The following GALM variants were observed in gnomAD, a reference collection of about 807,000 sequenced individuals.
The protein encoded by GALM is aldose 1-epimerase.
GALM carries 43 observed loss-of-function variants against 37.4 expected under a neutral mutation model. The observed-to-expected ratio is 1.15, with a 90% confidence interval of 0.90 to 1.48. The LOEUF (loss-of-function observed/expected upper bound fraction) is 1.48, where lower values mean the gene tolerates loss of function less well. Ranked by LOEUF, GALM falls within the 40% of genes most tolerant of loss-of-function variation. The pLI is 0.00. For synonymous variants in GALM, 199 were observed against 170.6 expected (o/e 1.17, Z -1.30); for missense variants, 456 against 419.1 (o/e 1.09, Z -0.77).
intron 4 of GALM, among the ~76,000 whole-genome samples, chr2:38,699,456 A>C (rs941019580): frequency 1.3e-5 from 2 of 152,200 alleles, no homozygotes; most frequent in Non-Finnish European, 2.9e-5. Flanking sequence ...TGTTAATTAT[A>C]GTCACCCTAT....
chr2:38,698,947 C>A (rs183010850), intron 4 of GALM, among the ~76,000 whole-genome samples: 5 of 151,638 alleles, frequency 3.3e-5, no homozygotes, highest in African/African-American at 1.2e-4. Flanking sequence ...GAGTTTTGCT[C>A]TTGTTGCCTA....
At chr2:38,705,304 C>T (rs1361953851) in intron 4 of GALM, among the ~76,000 whole-genome samples, 2 of 152,140 alleles carry the variant, frequency 1.3e-5, no homozygotes, top group African/African-American at 4.8e-5. Context: ...GATGTTAACT[C>T]AAGTAAGTTC....
chr2:38,709,969 G>A (rs1431840345), intron 4 of GALM, among the ~76,000 whole-genome samples: 2 of 152,134 alleles, frequency 1.3e-5, no homozygotes, highest in South Asian at 2.1e-4. Flanking sequence ...TGGAGCAGCT[G>A]GGCTGGAAGC....
intron 4 of GALM, among the ~76,000 whole-genome samples, chr2:38,711,778 ACTG>A (rs370096568): frequency 6.8e-6 from 1 of 146,306 alleles, no homozygotes. Flanking sequence ...TATCACCATC[ACTG>A]TCACCACCAT....
chr2:38,720,414 TAAAAAAAAAA>T (rs34372976), intron 4 of GALM, among the ~76,000 whole-genome samples: 112 of 92,852 alleles, frequency 1.2e-3, no homozygotes, highest in Non-Finnish European at 1.9e-3. Flanking sequence ...ACTTCTATGT[TAAAAAAAAAA>T]AAAAAAAAAA....
rs35151264 is a variant in GALM, at chr2:38,708,731, G to GAAA, written c.634+18853_634+18855dup. 3.0e-4 allele frequency among the ~76,000 whole-genome samples: 27 copies of GAAA among 91,512 alleles called. 1 individual carries two copies. The highest frequency in any genetic ancestry group is 3.6e-4 in the Non-Finnish European group (14 of 38,706). 60.0% of individuals were successfully genotyped at this position (91,512 alleles called of 152,430 possible). On this transcript the variant is annotated intron_variant, in intron 4 of 6. Transcript: ENST00000272252. ...GTGATAGAGCGAGACTCTGTCTCAA[G>GAAA]AAAAAAAAAAAAAAAAAAGAAAGTG...
At chr2:38,727,220 A>G (rs1268085634) in intron 4 of GALM, among the ~76,000 whole-genome samples, 13 of 72,806 alleles carry the variant, frequency 1.8e-4, no homozygotes, top group Non-Finnish European at 3.3e-4. Flanking sequence ...CGTCTCAAGA[A>G]AAAAAAAAAA....
At chr2:38,722,030 T>TCCCCCCCCCTCC (rs1491365976) in intron 4 of GALM, among the ~76,000 whole-genome samples, 1 of 41,386 alleles carries the variant, frequency 2.4e-5, no homozygotes, top group Admixed American at 4.0e-4. Flanking sequence ...TGCCTTCCCT[T>TCCCCCCCCCTCC]CCCCCCCCCA....
intron 3 of GALM, among the ~76,000 whole-genome samples, chr2:38,687,431 C>A (rs1389866221): frequency 1.3e-5 from 2 of 152,186 alleles, no homozygotes; most frequent in African/African-American, 2.4e-5. Flanking sequence ...TTCTTCTGGA[C>A]AGGCATGGTG....
intron 4 of GALM, among the ~76,000 whole-genome samples, chr2:38,710,749 CCTT>C (rs1343883950): frequency 1.3e-5 from 2 of 149,460 alleles, no homozygotes; most frequent in African/African-American, 4.9e-5. Context: ...CTGGTCATTT[CCTT>C]CTTTTTTTTT....
At chr2:38,685,442 GA>G (rs1665496129) in intron 3 of GALM, among the ~76,000 whole-genome samples, 1 of 152,208 alleles carries the variant, frequency 6.6e-6, no homozygotes, top group Admixed American at 6.5e-5. Flanking sequence ...CTGTGGTAGT[GA>G]TATTGCACAA....
At chr2:38,679,354 A>AC (rs1349519098) in intron 2 of GALM, among the ~76,000 whole-genome samples, 69 of 147,828 alleles carry the variant, frequency 4.7e-4, no homozygotes, top group East Asian at 2.5e-3. Context: ...GAAACTCCCC[A>AC]CCGCCCCCGA....
chr2:38,727,223 A>G (rs1278736803), intron 4 of GALM, among the ~76,000 whole-genome samples: 1 of 151,698 alleles, frequency 6.6e-6, no homozygotes, highest in Non-Finnish European at 1.5e-5. Context: ...CTCAAGAAAA[A>G]AAAAAAAAAA....
chr2:38,698,414 T>G, intron 4 of GALM: 1 of 1,303,920 alleles, frequency 7.7e-7, no homozygotes, highest in Non-Finnish European at 1.0e-6. Context: ...CTTTTACCCA[T>G]GGACCAGGAG....
chr2:38,666,430 C>T, intron 1 of GALM, 79 bp downstream of exon 1: 2 of 1,136,774 alleles, frequency 1.8e-6, no homozygotes, highest in Non-Finnish European at 2.5e-6. Context: ...GGGCCACTTG[C>T]AATGCGAGGG....
At chr2:38,715,094 C>T (rs1375286783) in intron 4 of GALM, among the ~76,000 whole-genome samples, 1 of 152,064 alleles carries the variant, frequency 6.6e-6, no homozygotes, top group African/African-American at 2.4e-5. Flanking sequence ...TGACTTGATC[C>T]TTTTTATCAT....
chr2:38,719,762 G>A (rs1371854247), intron 4 of GALM, among the ~76,000 whole-genome samples: 1 of 117,240 alleles, frequency 8.5e-6, no homozygotes. Flanking sequence ...CGACAAGAAC[G>A]AAATTCTGTC....
chr2:38,706,882 CG>C (rs372785609), intron 4 of GALM, among the ~76,000 whole-genome samples: 10 of 12,826 alleles, frequency 7.8e-4, no homozygotes, highest in East Asian at 7.3e-3. Flanking sequence ...AAAAGGGGGG[CG>C]GGGGGGTCGC....
intron 4 of GALM, among the ~76,000 whole-genome samples, chr2:38,690,500 A>C (rs1238435675): frequency 6.6e-6 from 1 of 151,968 alleles, no homozygotes; most frequent in Non-Finnish European, 1.5e-5. Context: ...ACAGTGGCAC[A>C]ATCTCAGCTC....
Sources: gnomAD v4.1 joint callset for allele counts (sites outside exome capture counted in the v4.1 genomes callset) on GRCh38, gnomAD v4.1.1 for gene constraint, MANE v1.5 for transcripts, NCBI Gene and HGNC (gene_info 2026-07-23, HGNC 2026-07-21) for gene names.